TEX14: variants seen among roughly 807,000 people sequenced by gnomAD.
The protein encoded by TEX14 is inactive serine/threonine-protein kinase TEX14.
A neutral mutation model predicts 178.6 loss-of-function variants in TEX14; 168 were observed. The ratio of observed to expected loss-of-function variants is 0.94; its 90% CI spans 0.83 to 1.07. The LOEUF is 1.07. Ranked by LOEUF, TEX14 falls within the 50% of genes least tolerant of loss-of-function variation. TEX14 has a pLI of 0.00. For synonymous variants in TEX14, 626 were observed against 634.1 expected, an observed-to-expected ratio of 0.99 and a Z score of 0.19; for missense variants, 1,730 against 1,753.6, an observed-to-expected ratio of 0.99 and a Z score of 0.24.
intron 1 of TEX14, among the ~76,000 whole-genome samples, chr17:58,663,060 G>C (rs979075437): frequency 6.7e-6 from 1 of 150,146 alleles, no homozygotes; most frequent in African/African-American, 2.5e-5. Flanking sequence ...AGTGAGCCGA[G>C]ATGGCACCAC....
Position 58,585,610 on chromosome 17 carries a change from G to GTTT in TEX14, c.3070+188_3070+190dup, listed in dbSNP as rs879707841. 3.3e-4 allele frequency among the ~76,000 whole-genome samples: 27 copies of GTTT among 83,064 alleles called. 1 individual carries two copies. Among genetic ancestry groups the GTTT allele is most frequent in the Non-Finnish European group, 4.3e-4 (18 of 41,924 alleles). The allele number at this position is 83,064 out of a possible 152,430, so 54.5% of individuals were successfully genotyped here. On this transcript the variant is annotated intron_variant, in intron 18 of 31. Transcript: ENST00000349033. Reference sequence around the variant, plus strand: ...GCGTGTGCCACCACGCCCAGCTAATGTTTTTTTTTTTTTTTTTTTTTTTTT... The same window carrying GTTT: ...GCGTGTGCCACCACGCCCAGCTAATGTTTTTTTTTTTTTTTTTTTTTTTTTTTT...
At chr17:58,661,792 C>T (rs2143375674) in intron 1 of TEX14, 6 of 499,070 alleles carry the variant, frequency 1.2e-5, no homozygotes, top group Non-Finnish European at 1.4e-5. Context: ...TGCTCCACTC[C>T]GGGTCTTCGT....
At chr17:58,655,054 A>G (rs2046923763) in intron 1 of TEX14, among the ~76,000 whole-genome samples, 1 of 130,236 alleles carries the variant, frequency 7.7e-6, no homozygotes, top group African/African-American at 3.0e-5. Context: ...TTTTTTCCTG[A>G]GACAGAGTCT....
chr17:58,571,330 G>A (rs1008366948), intron 24 of TEX14, among the ~76,000 whole-genome samples: 1 of 150,230 alleles, frequency 6.7e-6, no homozygotes, highest in African/African-American at 2.5e-5. Flanking sequence ...CGACCTCCTG[G>A]GCTCAGGTAA....
intron 1 of TEX14, chr17:58,679,520 C>G (rs763917272): frequency 6.6e-6 from 1 of 152,138 alleles, no homozygotes; most frequent in Non-Finnish European, 1.5e-5. Context: ...TATAAACAAG[C>G]CAGATCAGGG....
At chr17:58,589,268 A>G (rs927394472) in intron 15 of TEX14, among the ~76,000 whole-genome samples, 2 of 151,024 alleles carry the variant, frequency 1.3e-5, no homozygotes, top group Non-Finnish European at 1.5e-5. Flanking sequence ...ATTTCCAAAG[A>G]AAAAAAAGTG....
chr17:58,680,409 T>C (rs1367437616), intron 1 of TEX14, among the ~76,000 whole-genome samples: 1 of 152,166 alleles, frequency 6.6e-6, no homozygotes, highest in Non-Finnish European at 1.5e-5. Flanking sequence ...ATGATCAATC[T>C]TACTTGAAAG....
intron 2 of TEX14, among the ~76,000 whole-genome samples, chr17:58,649,463 C>T (rs998960438): frequency 6.6e-6 from 1 of 152,120 alleles, no homozygotes; most frequent in African/African-American, 2.4e-5. Context: ...GAATTTATCG[C>T]CCCTTATTCT....
In TEX14 at chr17:58,604,978, C is replaced by G; in HGVS notation, c.1336G>C (p.Asp446His). ...FSMIMQEILTDDIPWKGLDGS... is the reference protein window; with the variant it reads ...FSMIMQEILTHDIPWKGLDGS... The stretch of plus-strand genomic sequence containing the variant: ...TCAACCATTAATGATCTTGATCTAC[C>G]TGTTAAAATCTCCTGCATGATCATA... Residue 446 changes from aspartate to histidine, a missense_variant and splice_region_variant, in exon 11 of 32, where the codon GAT (aspartate) becomes CAT (histidine). Around this residue, in one of 2 missense-constraint regions of TEX14, gnomAD observed 789 missense variants for 681.2 expected, o/e 1.16. Transcript: ENST00000349033. 6.2e-7 allele frequency: 1 copy of G among 1,614,044 alleles called. No individual in the cohort carries two copies. Among genetic ancestry groups the G allele is most frequent in the Non-Finnish European group, 8.5e-7 (1 of 1,179,966 alleles).
At chr17:58,667,668 T>C (rs1238571212) in intron 1 of TEX14, among the ~76,000 whole-genome samples, 4 of 152,280 alleles carry the variant, frequency 2.6e-5, no homozygotes, top group Admixed American at 2.6e-4. Flanking sequence ...GCGAATCACT[T>C]GAGGTCAGGA....
At position 58,599,224 on chromosome 17, in the gene TEX14, C is replaced by G; in HGVS notation, c.2121G>C (p.Glu707Asp). 6.2e-7 allele frequency: 1 copy of G among 1,614,050 alleles called. No individual in the cohort carries two copies. The highest frequency in any genetic ancestry group is 8.5e-7 in the Non-Finnish European group (1 of 1,180,032). The change falls in exon 14 of 32, where the codon GAG becomes GAC. Residue 707 changes from glutamate (E) to aspartate (D), a missense_variant. Around this residue, in one of 2 missense-constraint regions of TEX14, gnomAD observed 941 missense variants for 1,072.4 expected, o/e 0.88. Transcript: ENST00000349033. The part of the protein sequence containing the change: ...NGSLSSLSLP[E>D]STREAKSNLN... Reference sequence around the variant, plus strand: ...AATTGCTCTTGGCTTCTCTGGTTGACTCAGGAAGGCTGAGTGAACTGAGTG... The same window carrying G: ...AATTGCTCTTGGCTTCTCTGGTTGAGTCAGGAAGGCTGAGTGAACTGAGTG...
intron 2 of TEX14, chr17:58,631,819 CCCTCAAAATA>C (rs1567748142): frequency 6.7e-6 from 1 of 148,868 alleles, no homozygotes; most frequent in African/African-American, 2.6e-5. Flanking sequence ...TAGAAATTAT[CCCTCAAAATA>C]TAGTCTTAAT....
At chr17:58,598,698 T>C (rs924520608) in intron 14 of TEX14, among the ~76,000 whole-genome samples, 178 bp downstream of exon 14, 1 of 152,126 alleles carries the variant, frequency 6.6e-6, no homozygotes, top group Non-Finnish European at 1.5e-5. Flanking sequence ...AGGGGCAACG[T>C]CAAACCCAGC....
At chr17:58,585,743 C>G (rs1269904185) in intron 18 of TEX14, 58 bp downstream of exon 18, 4 of 1,580,178 alleles carry the variant, frequency 2.5e-6, no homozygotes, top group African/African-American at 1.3e-5. Flanking sequence ...GCTGAGCCAC[C>G]TCGCCCGACT....
chr17:58,655,808 G>A (rs1028244322), intron 1 of TEX14, among the ~76,000 whole-genome samples: 48 of 152,266 alleles, frequency 3.2e-4, no homozygotes, highest in Admixed American at 5.9e-4. Context: ...AACCTTAGGC[G>A]CATAAGCTGG....
intron 1 of TEX14, among the ~76,000 whole-genome samples, chr17:58,663,251 T>C (rs1308363994): frequency 1.3e-5 from 2 of 151,780 alleles, no homozygotes; most frequent in African/African-American, 4.8e-5. Context: ...GGAGAAACCC[T>C]GTCTCTACTA....
Position 58,669,120 on chromosome 17 carries a change from G to A in TEX14, c.-1-17118C>T, listed in dbSNP as rs1160639235. On this transcript the variant is annotated intron_variant, in intron 1 of 31. Coordinates refer to ENST00000349033, the MANE Select transcript of TEX14 (RefSeq NM_031272.5). ...TAATCCCAGCACTTTGGGAGGGTGA[G>A]GTGGGCAGATCACCTGAGGTCAGGA... is the stretch of plus-strand genomic sequence containing the variant. Among the ~76,000 whole-genome samples, 14 of 152,260 alleles carry A rather than the reference G, an allele frequency of 9.2e-5. No individual in the cohort carries two copies. The East Asian group carries it at 2.5e-3, about 27-fold the overall frequency.
In TEX14 at chr17:58,579,732, C is replaced by A; in HGVS notation, c.3172-1G>T. The A allele has an allele frequency of 6.2e-7, 1 of 1,612,580 alleles. No homozygotes were observed. On this transcript the variant is annotated splice_acceptor_variant, in intron 19 of 31. Coordinates refer to ENST00000349033, the MANE Select transcript of TEX14 (RefSeq NM_031272.5). LOFTEE classifies it high-confidence loss of function. ...AGTCCTCTTCTATGGGACTCGAGGT[C>A]TAAAAAAGAACAAAAGAAAAGCAAA...
Position 58,559,559 on chromosome 17 carries a change from CT to C in TEX14, c.4160del (p.Glu1387GlyfsTer31), listed in dbSNP as rs1385754710. 2 of 1,448,160 alleles carry C rather than the reference CT, an allele frequency of 1.4e-6. No individual in the cohort carries two copies. Among genetic ancestry groups the C allele is most frequent in the East Asian group, 2.3e-5 (1 of 43,800 alleles). The allele number at this position is 1,448,160 out of a possible 1,614,324, so 89.7% of individuals were successfully genotyped here. Reference protein sequence around the residue: ...LQDLPKGSERETNIKDQKVGE... With the variant: ...LQDLPKGSERXTNIKDQKVGE... ...CAACTTTTTGATCTTTGATATTTGTCTCCCTGTAACAACAATTATTTGGGGA... is the reference window on the plus strand; with the variant it reads ...CAACTTTTTGATCTTTGATATTTGTCCCCTGTAACAACAATTATTTGGGGA... On this transcript the variant is annotated frameshift_variant and splice_region_variant, in exon 30 of 32. Coordinates refer to ENST00000349033, the MANE Select transcript of TEX14 (RefSeq NM_031272.5). LOFTEE classifies it high-confidence loss of function.
Sources: allele counts gnomAD v4.1 joint callset (sites outside exome capture counted in the v4.1 genomes callset), GRCh38; gene constraint gnomAD v4.1.1; regional missense constraint gnomAD v4.1.1; transcripts MANE v1.5; gene names NCBI Gene and HGNC (gene_info 2026-07-23, HGNC 2026-07-21).